Variants in MBNL1 observed in about 807,000 individuals in gnomAD.
MBNL1 encodes muscleblind like splicing regulator 1, also known as muscleblind-like protein 1.
In MBNL1, 8 loss-of-function variants were observed where a neutral mutation model predicts 42.2. That is an observed-to-expected ratio of 0.19 (90% CI 0.11 to 0.34). The LOEUF is 0.34. Among genes scored for constraint, MBNL1 ranks in the 10% least tolerant of loss-of-function variants. MBNL1 has a pLI of 1.00. For missense variants in MBNL1, 309 were observed against 495.3 expected (o/e 0.62, Z 3.57); for synonymous variants, 169 against 173.9 (o/e 0.97, Z 0.22).
rs200428548 is a variant in MBNL1 at position 152,445,480 on chromosome 3, G to A, written c.748G>A (p.Ala250Thr). Residue 250 changes from alanine (A) to threonine (T), a missense_variant, in exon 5 of 10, where the codon GCC (alanine) becomes ACC (threonine). Coordinates refer to ENST00000324210, the MANE Select transcript of MBNL1 (RefSeq NM_021038.5). ...PAHLQAKIKA[A>T]QYQVNQAAAA... is the part of the protein sequence containing the mutation. The stretch of plus-strand genomic sequence containing the variant: ...ACATTTGCAAGCCAAGATCAAGGCT[G>A]CCCAATACCAGGTCAACCAGGCTGC... 3.1e-6 allele frequency: 5 copies of A among 1,601,900 alleles called. No homozygotes were observed. In the East Asian group the frequency reaches 9.2e-5, roughly 29 times the overall value.
intron 6 of MBNL1, among the ~76,000 whole-genome samples, chr3:152,448,310 A>G (rs1714642768): frequency 6.6e-6 from 1 of 152,204 alleles, no homozygotes; most frequent in East Asian, 1.9e-4. Flanking sequence ...TAATATTGAA[A>G]TAACCCTAAG....
chr3:152,367,481 A>G (rs758662576), intron 2 of MBNL1, among the ~76,000 whole-genome samples: 2 of 152,208 alleles, frequency 1.3e-5, no homozygotes, highest in African/African-American at 2.4e-5. Flanking sequence ...TAGTGCTGCA[A>G]TAAATATACG....
chr3:152,421,913 A>G (rs1318172603), intron 3 of MBNL1, among the ~76,000 whole-genome samples: 1 of 152,200 alleles, frequency 6.6e-6, no homozygotes, highest in African/African-American at 2.4e-5. Context: ...CTGCCTTACA[A>G]GAACTCCTGA....
intron 2 of MBNL1, among the ~76,000 whole-genome samples, chr3:152,358,826 T>C (rs1169375777): frequency 6.6e-6 from 1 of 152,064 alleles, no homozygotes; most frequent in African/African-American, 2.4e-5. Flanking sequence ...CCCAGGCTGG[T>C]CTCAAACTCC....
At position 152,458,424 on chromosome 3, in the gene MBNL1, A is replaced by C; in HGVS notation, c.1093-847A>C. On this transcript the variant is annotated intron_variant, in intron 8 of 9. Transcript: ENST00000324210. ...ATTATTCTCCCAACAACATTGCTGA[A>C]ATGGGATTAGTATCATTTTATAGAA... The C allele has an allele frequency of 5.8e-6, 3 of 521,724 alleles. No individual in the cohort carries two copies. In the South Asian group the frequency reaches 6.3e-5, roughly 11 times the overall value. The allele number at this position is 521,724 out of a possible 1,614,324, so 32.3% of individuals were successfully genotyped here.
At chr3:152,329,711 T>A (rs1005559697) in intron 2 of MBNL1, among the ~76,000 whole-genome samples, 3 of 146,676 alleles carry the variant, frequency 2.0e-5, no homozygotes, top group Admixed American at 1.4e-4. Flanking sequence ...ATATATATAA[T>A]ATATATGTCA....
chr3:152,267,513 G>C (rs1347232379), upstream of MBNL1: 1 of 152,220 alleles, frequency 6.6e-6, no homozygotes, highest in African/African-American at 2.4e-5. Context: ...AAGAGGAATG[G>C]AAGTCTTCGT....
chr3:152,244,343 G>T, exon 2 of MBNL1: 1 of 152,178 alleles, frequency 6.6e-6, no homozygotes, highest in Admixed American at 6.5e-5. Flanking sequence ...AATGTAACTA[G>T]AGAAGAGAGT....
chr3:152,253,334 G>C (rs1024226399), intron 2 of MBNL1, among the ~76,000 whole-genome samples: 3 of 152,052 alleles, frequency 2.0e-5, no homozygotes, highest in African/African-American at 4.8e-5. Context: ...CAGCATGCCT[G>C]TCTCTTCTGT....
intron 2 of MBNL1, among the ~76,000 whole-genome samples, chr3:152,355,491 T>C (rs1474443699): frequency 1.3e-5 from 2 of 152,240 alleles, no homozygotes; most frequent in Non-Finnish European, 2.9e-5. Flanking sequence ...TATTACTGTG[T>C]ATTTGGTAAT....
chr3:152,314,360 C>A (rs2069126068), intron 2 of MBNL1, among the ~76,000 whole-genome samples: 1 of 151,506 alleles, frequency 6.6e-6, no homozygotes, highest in African/African-American at 2.4e-5. Context: ...TTGAAATGGT[C>A]CGTTTTGCTC....
At chr3:152,325,097 G>A (rs868404867) in intron 2 of MBNL1, among the ~76,000 whole-genome samples, 1 of 15,136 alleles carries the variant, frequency 6.6e-5, no homozygotes, top group Non-Finnish European at 1.5e-4. Context: ...GCCCCCCCCC[G>A]CCCGCTTTTT....
intron 1 of MBNL1, among the ~76,000 whole-genome samples, chr3:152,297,933 C>T (rs527352120): frequency 1.2e-4 from 18 of 152,230 alleles, no homozygotes; most frequent in Non-Finnish European, 1.6e-4. Context: ...GGATTACAGG[C>T]GTGATCCACC....
At chr3:152,335,232 T>C (rs1462251860) in intron 2 of MBNL1, 2 of 1,289,798 alleles carry the variant, frequency 1.6e-6, no homozygotes, top group Admixed American at 2.3e-5. Flanking sequence ...TGGATGCTGG[T>C]GAGTGAATAA....
chr3:152,394,865 CT>C, intron 2 of MBNL1, among the ~76,000 whole-genome samples: 1 of 152,112 alleles, frequency 6.6e-6, no homozygotes, highest in East Asian at 1.9e-4. Flanking sequence ...GTTAATTTTT[CT>C]TTTTTTGTCC....
At chr3:152,384,306 A>G (rs1395755441) in intron 2 of MBNL1, among the ~76,000 whole-genome samples, 2 of 152,062 alleles carry the variant, frequency 1.3e-5, no homozygotes, top group Non-Finnish European at 2.9e-5. Context: ...CAGGGCATTA[A>G]ATTTTTTGGC....
chr3:152,285,929 C>CT (rs113377399), intron 1 of MBNL1, among the ~76,000 whole-genome samples: 61 of 145,130 alleles, frequency 4.2e-4, no homozygotes, highest in East Asian at 1.4e-3. Context: ...CATCCTGAAA[C>CT]TTTTTTTTTT....
At chr3:152,445,240 T>C in intron 4 of MBNL1, 42 bp from the exon 5 acceptor site, 1 of 1,557,698 alleles carries the variant, frequency 6.4e-7, no homozygotes, top group Admixed American at 1.8e-5. Context: ...AGCTTCTTCT[T>C]CTTCATGTTG....
At chr3:152,254,915 C>T (rs1308791017) in intron 2 of MBNL1, among the ~76,000 whole-genome samples, 1 of 152,030 alleles carries the variant, frequency 6.6e-6, no homozygotes, top group Non-Finnish European at 1.5e-5. Flanking sequence ...AGGTAGGTAG[C>T]TTAATAAAGG....
Sources: allele counts gnomAD v4.1 joint callset (sites outside exome capture counted in the v4.1 genomes callset), GRCh38; gene constraint gnomAD v4.1.1; transcripts MANE v1.5; gene names NCBI Gene and HGNC (gene_info 2026-07-23, HGNC 2026-07-21).